The following ZNRF3 variants were observed in gnomAD, a reference collection of about 807,000 sequenced individuals.
ZNRF3 encodes E3 ubiquitin-protein ligase ZNRF3.
In ZNRF3, 23 loss-of-function variants were observed where a neutral mutation model predicts 72.5. The ratio of observed to expected loss-of-function variants is 0.32; its 90% CI spans 0.23 to 0.45. The LOEUF (loss-of-function observed/expected upper bound fraction) is 0.45. Among genes scored for constraint, ZNRF3 ranks in the 20% least tolerant of loss-of-function variants. The pLI is 1.00. For missense variants in ZNRF3, 1,169 were observed against 1,272.1 expected (o/e 0.92, Z 1.23); for synonymous variants, 610 against 545.3 (o/e 1.12, Z -1.65).
At chr22:28,965,133 C>T (rs1037493665) in intron 1 of ZNRF3, among the ~76,000 whole-genome samples, 9 of 152,182 alleles carry the variant, frequency 5.9e-5, no homozygotes, top group Non-Finnish European at 2.9e-5. Flanking sequence ...ACCAGTGCCA[C>T]CTGGCTCAGC....
At chr22:29,000,817 G>C (rs578009289) in intron 2 of ZNRF3, among the ~76,000 whole-genome samples, 26 of 152,132 alleles carry the variant, frequency 1.7e-4, no homozygotes, top group African/African-American at 5.8e-4. Flanking sequence ...AATGAGATGG[G>C]GGTGGGATGC....
intron 1 of ZNRF3, among the ~76,000 whole-genome samples, chr22:28,893,166 C>CA (rs1706059614): frequency 1.3e-5 from 2 of 150,762 alleles, no homozygotes; most frequent in Admixed American, 1.3e-4. Flanking sequence ...GACTCTGTCT[C>CA]AAAAAAAATA....
At chr22:28,927,457 A>G (rs535007934) in intron 1 of ZNRF3, among the ~76,000 whole-genome samples, 15 of 152,312 alleles carry the variant, frequency 9.8e-5, no homozygotes, top group African/African-American at 3.6e-4. Flanking sequence ...AATTTGATTT[A>G]TATATTAAAT....
At chr22:28,920,778 A>C (rs2034498249) in intron 1 of ZNRF3, among the ~76,000 whole-genome samples, 1 of 152,198 alleles carries the variant, frequency 6.6e-6, no homozygotes, top group East Asian at 1.9e-4. Context: ...TCAGGGATTG[A>C]CGGGTAGCCT....
intron 1 of ZNRF3, among the ~76,000 whole-genome samples, chr22:28,904,077 C>T (rs1357326599): frequency 6.6e-6 from 1 of 151,584 alleles, no homozygotes; most frequent in African/African-American, 2.4e-5. Flanking sequence ...CTTATCTAGT[C>T]TAAACTGGAA....
intron 2 of ZNRF3, among the ~76,000 whole-genome samples, chr22:28,994,485 G>A (rs183016204): frequency 4.6e-5 from 7 of 151,914 alleles, no homozygotes; most frequent in Non-Finnish European, 7.4e-5. Flanking sequence ...CACCGCTCCC[G>A]GCTCCTTCGT....
intron 1 of ZNRF3, among the ~76,000 whole-genome samples, chr22:28,887,760 A>G (rs997666109): frequency 1.3e-5 from 2 of 152,178 alleles, no homozygotes; most frequent in African/African-American, 4.8e-5. Flanking sequence ...GTTCTTAGAT[A>G]TATTGATACA....
Position 29,050,020 on chromosome 22 carries a change from G to T in ZNRF3, c.1839G>T (p.Ser613=). Residue 613 remains serine (S), a synonymous_variant, in exon 8 of 9, where the codon TCG becomes TCT. Coordinates refer to ENST00000544604, the MANE Select transcript of ZNRF3 (RefSeq NM_001206998.2). The part of the protein sequence containing the change: ...SPCRASEAGG[S]GSSGRGPALC... ...GTCGTGCCAGTGAGGCGGGGGGCTC[G>T]GGCAGCTCGGGCCGGGGACCTGCCC... 6.2e-7 allele frequency: 1 copy of T among 1,610,568 alleles called. No homozygotes were observed. Among genetic ancestry groups the T allele is most frequent in the Non-Finnish European group, 8.5e-7 (1 of 1,178,956 alleles).
intron 1 of ZNRF3, among the ~76,000 whole-genome samples, chr22:28,949,168 G>A (rs756314415): frequency 1.1e-4 from 17 of 152,020 alleles, no homozygotes; most frequent in Non-Finnish European, 1.9e-4. Context: ...TAGTAGAGAC[G>A]GGTTTCACCA....
intron 1 of ZNRF3, among the ~76,000 whole-genome samples, chr22:28,903,721 GT>G (rs1435429521): frequency 1.3e-5 from 2 of 152,132 alleles, no homozygotes; most frequent in African/African-American, 4.8e-5. Flanking sequence ...CTGAAGGTGT[GT>G]TTTTTGTGTG....
chr22:28,952,210 A>G (rs2035175912), intron 1 of ZNRF3, among the ~76,000 whole-genome samples: 1 of 152,140 alleles, frequency 6.6e-6, no homozygotes, highest in Non-Finnish European at 1.5e-5. Flanking sequence ...TCCTTGTAAA[A>G]CTTTTATGAA....
At chr22:28,927,636 C>T (rs1482695589) in intron 1 of ZNRF3, among the ~76,000 whole-genome samples, 1 of 152,180 alleles carries the variant, frequency 6.6e-6, no homozygotes, top group Non-Finnish European at 1.5e-5. Context: ...AAGCAGCATT[C>T]ATCATCTTCG....
At chr22:29,023,200 A>C (rs191404827) in intron 2 of ZNRF3, among the ~76,000 whole-genome samples, 110 of 152,308 alleles carry the variant, frequency 7.2e-4, no homozygotes, top group African/African-American at 2.4e-3. Flanking sequence ...AGTCCTCTAA[A>C]TTCTGATTTC....
chr22:28,921,220 C>G (rs1346858776), intron 1 of ZNRF3, among the ~76,000 whole-genome samples: 1 of 152,148 alleles, frequency 6.6e-6, no homozygotes, highest in African/African-American at 2.4e-5. Flanking sequence ...GGAAGCCCCC[C>G]CCACCCCTAG....
chr22:29,042,954 T>C lies in ZNRF3; in HGVS notation c.502-345T>C, dbSNP rs551608775. Among the ~76,000 whole-genome samples the C allele has an allele frequency of 6.9e-4, 105 of 152,274 alleles. 1 individual carries two copies. Among genetic ancestry groups the C allele is most frequent in the African/African-American group, 2.4e-3 (101 of 41,566 alleles). ...CACGCCTGGCTAATTTTTGTGTTTTTAGTAGAGATGGGGTTTCACCATGTT... is the reference window on the plus strand; with the variant it reads ...CACGCCTGGCTAATTTTTGTGTTTTCAGTAGAGATGGGGTTTCACCATGTT... On this transcript the variant is annotated intron_variant, in intron 3 of 8. Coordinates refer to ENST00000544604, the MANE Select transcript of ZNRF3 (RefSeq NM_001206998.2).
intron 1 of ZNRF3, among the ~76,000 whole-genome samples, chr22:28,937,178 TATATATATATATATATA>T: frequency 8.4e-5 from 1 of 11,942 alleles, no homozygotes; most frequent in African/African-American, 1.9e-4. Flanking sequence ...TCTTATAATA[TATATATATATATATATA>T]TATATATATA....
chr22:28,959,252 A>AGGT (rs1192235428), intron 1 of ZNRF3, among the ~76,000 whole-genome samples: 1 of 152,224 alleles, frequency 6.6e-6, no homozygotes. Context: ...TGTGGAACCC[A>AGGT]GGTGGGTAGG....
intron 1 of ZNRF3, among the ~76,000 whole-genome samples, chr22:28,964,756 G>T (rs2035428543): frequency 6.6e-6 from 1 of 152,238 alleles, no homozygotes; most frequent in Non-Finnish European, 1.5e-5. Context: ...GTCTCAAGTG[G>T]ACTCCTCAGC....
intron 1 of ZNRF3, among the ~76,000 whole-genome samples, chr22:28,978,665 C>A (rs920257392): frequency 1.3e-4 from 20 of 152,184 alleles, no homozygotes; most frequent in African/African-American, 4.3e-4. Context: ...AAGCGTACAT[C>A]ATGGTTTATA....
Sources: allele counts gnomAD v4.1 joint callset (sites outside exome capture counted in the v4.1 genomes callset), GRCh38; gene constraint gnomAD v4.1.1; transcripts MANE v1.5; gene names NCBI Gene and HGNC (gene_info 2026-07-23, HGNC 2026-07-21).